CLNK: variants seen among roughly 807,000 people sequenced by gnomAD.
The protein encoded by CLNK is cytokine-dependent hematopoietic cell linker.
A neutral mutation model predicts 68.6 loss-of-function variants in CLNK; 74 were observed. That is an observed-to-expected ratio of 1.08 (90% CI 0.89 to 1.31). The LOEUF (loss-of-function observed/expected upper bound fraction) is 1.31, where lower values mean the gene tolerates loss of function less well. CLNK is among the 50% of genes most tolerant of loss of function. The pLI, the probability that CLNK is intolerant of heterozygous loss-of-function variation, is 0.00. For synonymous variants in CLNK, 198 were observed against 172.2 expected (o/e 1.15, Z -1.17); for missense variants, 553 against 515.3 (o/e 1.07, Z -0.71).
rs1488486066 is a variant in CLNK at position 10,584,829 on chromosome 4, A to G, written c.112+98T>C. The G allele has an allele frequency of 4.1e-6, 5 of 1,229,110 alleles. No homozygotes were observed. The African/African-American group carries it at 6.0e-5, about 15-fold the overall frequency. 76.1% of individuals were successfully genotyped at this position (1,229,110 alleles called of 1,614,324 possible). A position where few individuals can be genotyped will look rare whatever the true frequency, so the allele number is the denominator to read the frequency against. Reference sequence around the variant, plus strand: ...GCTAATGTCATTTCAAATAGGCCATAGTTTTATTGAAATAAAAACAAAAAA... The same window carrying G: ...GCTAATGTCATTTCAAATAGGCCATGGTTTTATTGAAATAAAAACAAAAAA... On this transcript the variant is annotated intron_variant, in intron 4 of 18. Coordinates refer to ENST00000226951, the MANE Select transcript of CLNK (RefSeq NM_052964.4).
chr4:10,604,971 A>G (rs1013845644), intron 2 of CLNK, among the ~76,000 whole-genome samples: 4 of 152,216 alleles, frequency 2.6e-5, no homozygotes, highest in African/African-American at 9.6e-5. Context: ...ATGCTTCATA[A>G]TGTGGGTGGG....
intron 11 of CLNK, among the ~76,000 whole-genome samples, chr4:10,537,678 TCTTC>T (rs1179342694): frequency 2.1e-3 from 82 of 38,494 alleles, no homozygotes; most frequent in South Asian, 3.4e-3. Context: ...TTTCTTTCTT[TCTTC>T]CTTCCTTCCT....
intron 2 of CLNK, among the ~76,000 whole-genome samples, chr4:10,632,651 G>GC (rs773631663): frequency 2.6e-5 from 4 of 152,100 alleles, no homozygotes; most frequent in Non-Finnish European, 5.9e-5. Context: ...GGTGCACATT[G>GC]CCCCCCTTTT....
chr4:10,576,869 C>T (rs950507758), intron 4 of CLNK, among the ~76,000 whole-genome samples: 7 of 152,328 alleles, frequency 4.6e-5, no homozygotes, highest in Admixed American at 6.5e-5. Context: ...AATAGAGACT[C>T]TCAGATTATT....
chr4:10,492,823 C>T (rs1257593675), intron 18 of CLNK, among the ~76,000 whole-genome samples: 2 of 152,152 alleles, frequency 1.3e-5, no homozygotes, highest in African/African-American at 4.8e-5. Flanking sequence ...GGATCGAGTC[C>T]ATTTCTGTCC....
chr4:10,523,950 G>C, intron 14 of CLNK: 1 of 389,792 alleles, frequency 2.6e-6, no homozygotes. Flanking sequence ...ACTTGAGCCC[G>C]GGAGGTCAAG....
At chr4:10,722,390 G>A in the CLNK span, among the ~76,000 whole-genome samples, 2,597 of 152,240 alleles carry the variant, frequency 0.017, 39 homozygotes, top group Non-Finnish European at 0.026. Flanking sequence ...TCTCCCGCTA[G>A]CTCAGCTGGG....
the CLNK span, among the ~76,000 whole-genome samples, chr4:10,707,851 A>G: frequency 6.6e-6 from 1 of 152,194 alleles, no homozygotes; most frequent in African/African-American, 2.4e-5. Flanking sequence ...ACTCTTGCAC[A>G]TCTCACAACA....
chr4:10,661,567 A>G (rs1405388615), intron 2 of CLNK, among the ~76,000 whole-genome samples: 1 of 152,212 alleles, frequency 6.6e-6, no homozygotes, highest in Admixed American at 6.5e-5. Context: ...ATCAGAAAGT[A>G]TGACATAGAT....
At chr4:10,672,749 C>G (rs1577211723) in intron 1 of CLNK, among the ~76,000 whole-genome samples, 1 of 152,164 alleles carries the variant, frequency 6.6e-6, no homozygotes, top group Non-Finnish European at 1.5e-5. Context: ...CTAAATGTCC[C>G]AGATATTTTA....
chr4:10,716,948 C>A, the CLNK span, among the ~76,000 whole-genome samples: 1 of 151,902 alleles, frequency 6.6e-6, no homozygotes, highest in Non-Finnish European at 1.5e-5. Context: ...CCTGTCTCAG[C>A]CTCCCAAAGT....
At chr4:10,569,569 C>T (rs1347254010) in intron 5 of CLNK, among the ~76,000 whole-genome samples, 1 of 152,146 alleles carries the variant, frequency 6.6e-6, no homozygotes, top group Non-Finnish European at 1.5e-5. Flanking sequence ...GTTATGGCAA[C>T]ACTAGAAGAC....
chr4:10,529,637 A>C (rs993100531), intron 12 of CLNK, among the ~76,000 whole-genome samples: 15 of 152,228 alleles, frequency 9.9e-5, no homozygotes, highest in African/African-American at 3.6e-4. Context: ...TAATGAATCC[A>C]TTCTAGTGGG....
At chr4:10,492,979 A>T (rs1312743598) in intron 18 of CLNK, among the ~76,000 whole-genome samples, 2 of 152,204 alleles carry the variant, frequency 1.3e-5, no homozygotes, top group African/African-American at 4.8e-5. Flanking sequence ...AGCAGTTTCC[A>T]ATGAGATAAC....
intron 2 of CLNK, among the ~76,000 whole-genome samples, chr4:10,602,361 G>A (rs149022468): frequency 7.7e-4 from 117 of 152,280 alleles, no homozygotes; most frequent in African/African-American, 2.3e-3. Flanking sequence ...TGGAAAAAGC[G>A]TCTTTAGCAA....
chr4:10,677,650 C>T (rs10938924), intron 1 of CLNK, among the ~76,000 whole-genome samples: 1 of 151,728 alleles, frequency 6.6e-6, no homozygotes, highest in Non-Finnish European at 1.5e-5. Flanking sequence ...CCATGCTCTT[C>T]TTCACTCTTC....
At chr4:10,604,907 T>A (rs1721729475) in intron 2 of CLNK, among the ~76,000 whole-genome samples, 1 of 152,244 alleles carries the variant, frequency 6.6e-6, no homozygotes, top group South Asian at 2.1e-4. Flanking sequence ...GCTGTGAAGC[T>A]ATTTCTTAGA....
chr4:10,652,855 C>A (rs548405041), intron 2 of CLNK, among the ~76,000 whole-genome samples: 11 of 152,108 alleles, frequency 7.2e-5, no homozygotes, highest in Non-Finnish European at 1.2e-4. Flanking sequence ...CAAAAAAATG[C>A]CCCTTATATC....
intron 8 of CLNK, among the ~76,000 whole-genome samples, chr4:10,547,963 C>T (rs1042097282): frequency 2.0e-5 from 3 of 152,080 alleles, no homozygotes; most frequent in African/African-American, 7.2e-5. Flanking sequence ...GTGCTGAGAG[C>T]TCTTCAAGAT....
Sources: gnomAD v4.1 joint callset for allele counts (sites outside exome capture counted in the v4.1 genomes callset) on GRCh38, gnomAD v4.1.1 for gene constraint, MANE v1.5 for transcripts, NCBI Gene and HGNC (gene_info 2026-07-23, HGNC 2026-07-21) for gene names.